Variants in CERS6 observed in about 807,000 individuals in gnomAD.
The protein encoded by CERS6 is LAG1 homolog, ceramide synthase 6.
Under a neutral mutation model 56.8 loss-of-function variants are expected in CERS6, and 26 were observed. That is an observed-to-expected ratio of 0.46 (90% CI 0.34 to 0.63). CERS6 has a LOEUF of 0.63. Ranked by LOEUF, CERS6 falls within the 30% of genes least tolerant of loss-of-function variation. The pLI is 0.01. For synonymous variants in CERS6, 164 were observed against 173.3 expected (o/e 0.95, Z 0.42); for missense variants, 415 against 467.5 (o/e 0.89, Z 1.04).
At chr2:168,657,525 G>A (rs893608663) in intron 4 of CERS6, among the ~76,000 whole-genome samples, 3 of 152,248 alleles carry the variant, frequency 2.0e-5, no homozygotes, top group African/African-American at 7.2e-5. Context: ...CCACACAGGA[G>A]CCCATGGAGT....
chr2:168,463,621 C>G (rs1179146764), intron 1 of CERS6, among the ~76,000 whole-genome samples: 1 of 152,124 alleles, frequency 6.6e-6, no homozygotes, highest in East Asian at 1.9e-4. Flanking sequence ...TGGAAAAAAT[C>G]TGGAGGCTGA....
At chr2:168,632,818 T>G (rs1479930826) in intron 4 of CERS6, among the ~76,000 whole-genome samples, 1 of 152,142 alleles carries the variant, frequency 6.6e-6, no homozygotes, top group Non-Finnish European at 1.5e-5. Flanking sequence ...AATTCGTGCC[T>G]GGTTCTGTTG....
chr2:168,458,463 A>AGTT (rs1437279416), intron 1 of CERS6, among the ~76,000 whole-genome samples: 2 of 152,226 alleles, frequency 1.3e-5, no homozygotes, highest in Non-Finnish European at 2.9e-5. Context: ...CTAATGTGAT[A>AGTT]GTTGAAAACT....
chr2:168,746,817 A>ATG (rs1197661928), intron 8 of CERS6, among the ~76,000 whole-genome samples: 3 of 107,112 alleles, frequency 2.8e-5, no homozygotes, highest in East Asian at 5.4e-4. Flanking sequence ...ATATATATAT[A>ATG]TATAAAATCA....
In CERS6 at chr2:168,594,540, A is replaced by G. The variant is rs928812623; in HGVS notation, c.407+33218A>G. On this transcript the variant is annotated intron_variant, in intron 3 of 9. Transcript: ENST00000305747. Reference sequence around the variant, plus strand: ...GTTGAGGTTGTGGTGAGCTGTGATCATGCCACTGCACTCCAGCCTCAATGA... The same window carrying G: ...GTTGAGGTTGTGGTGAGCTGTGATCGTGCCACTGCACTCCAGCCTCAATGA... Among the ~76,000 whole-genome samples the G allele has an allele frequency of 2.6e-5, 4 of 152,256 alleles. No homozygotes were observed. In the South Asian group the frequency reaches 8.3e-4, roughly 32 times the overall value.
At chr2:168,464,458 G>A (rs1312632531) in intron 1 of CERS6, among the ~76,000 whole-genome samples, 1 of 152,078 alleles carries the variant, frequency 6.6e-6, no homozygotes, top group Non-Finnish European at 1.5e-5. Flanking sequence ...ACCGCACCTG[G>A]CCTTATACTC....
chr2:168,513,992 C>G (rs1694842839), intron 1 of CERS6, among the ~76,000 whole-genome samples: 1 of 152,136 alleles, frequency 6.6e-6, no homozygotes, highest in African/African-American at 2.4e-5. Context: ...GAAAAAAACC[C>G]TGTGCTTGAC....
At chr2:168,713,232 A>G (rs1184086679) in intron 6 of CERS6, among the ~76,000 whole-genome samples, 2 of 152,210 alleles carry the variant, frequency 1.3e-5, no homozygotes, top group Non-Finnish European at 2.9e-5. Flanking sequence ...GATTTAACCT[A>G]CATGTTGTGC....
At chr2:168,703,345 T>A (rs959282424) in intron 6 of CERS6, among the ~76,000 whole-genome samples, 4 of 152,024 alleles carry the variant, frequency 2.6e-5, no homozygotes, top group African/African-American at 9.7e-5. Context: ...TCACTTGAGG[T>A]CAGGAGTTCG....
At chr2:168,587,943 A>G (rs1377720543) in intron 3 of CERS6, among the ~76,000 whole-genome samples, 1 of 152,070 alleles carries the variant, frequency 6.6e-6, no homozygotes, top group Non-Finnish European at 1.5e-5. Context: ...ATTATATTTT[A>G]CAGACAGTGT....
At chr2:168,706,824 C>G (rs1660230081) in intron 6 of CERS6, among the ~76,000 whole-genome samples, 1 of 152,140 alleles carries the variant, frequency 6.6e-6, no homozygotes, top group Admixed American at 6.5e-5. Flanking sequence ...TGATGTGACT[C>G]TAAGGCAGGG....
Position 168,607,219 on chromosome 2 carries a change from A to G in CERS6, c.408-23766A>G, listed in dbSNP as rs190816195. Reference sequence around the variant, plus strand: ...TTTCTTCTTGGTGCACAAATCCTAAAATGTTTACTAACTGGCCTTCTAGAA... The same window carrying G: ...TTTCTTCTTGGTGCACAAATCCTAAGATGTTTACTAACTGGCCTTCTAGAA... On this transcript the variant is annotated intron_variant, in intron 3 of 9. Transcript: ENST00000305747. Among the ~76,000 whole-genome samples the G allele has an allele frequency of 2.4e-3, 363 of 152,238 alleles. 4 individuals are homozygous for G. The highest frequency in any genetic ancestry group is 0.024 in the Middle Eastern group (7 of 294).
At position 168,715,131 on chromosome 2, in the gene CERS6, TAA is replaced by T; in HGVS notation, c.738+5_738+6del. On this transcript the variant is annotated splice_donor_region_variant and intron_variant, in intron 7 of 9. Coordinates refer to ENST00000305747, the MANE Select transcript of CERS6 (RefSeq NM_203463.3). ...GATTCAGCTGATGCTCTTCTGGAGGTAAAAGTTTTCTTTCATCTTTAAGAATA... is the reference window on the plus strand; with the variant it reads ...GATTCAGCTGATGCTCTTCTGGAGGTAAGTTTTCTTTCATCTTTAAGAATA... The T allele has an allele frequency of 6.2e-7, 1 of 1,603,796 alleles. No homozygotes were observed. The highest frequency in any genetic ancestry group is 8.5e-7 in the Non-Finnish European group (1 of 1,176,798).
At chr2:168,571,121 A>C (rs1486172155) in intron 3 of CERS6, among the ~76,000 whole-genome samples, 1 of 152,110 alleles carries the variant, frequency 6.6e-6, no homozygotes, top group Non-Finnish European at 1.5e-5. Context: ...ATTGTTGAAA[A>C]GGAAGCACTC....
intron 1 of CERS6, among the ~76,000 whole-genome samples, chr2:168,490,280 C>G (rs1036075823): frequency 6.6e-6 from 1 of 152,102 alleles, no homozygotes; most frequent in Non-Finnish European, 1.5e-5. Flanking sequence ...CGTGATTCCC[C>G]CATCCTCTTT....
intron 8 of CERS6, among the ~76,000 whole-genome samples, chr2:168,724,063 C>G (rs948750369): frequency 8.5e-5 from 13 of 152,228 alleles, no homozygotes; most frequent in East Asian, 5.8e-4. Context: ...AGCCGCGGAC[C>G]CTTGCGGTGA....
At chr2:168,600,887 A>G (rs1267683557) in intron 3 of CERS6, among the ~76,000 whole-genome samples, 2 of 152,192 alleles carry the variant, frequency 1.3e-5, no homozygotes, top group Admixed American at 1.3e-4. Flanking sequence ...CTACTTTTCT[A>G]TGGTATTGAG....
At chr2:168,690,895 C>CT (rs1686482366) in intron 4 of CERS6, 139 bp from the exon 5 acceptor site, 1 of 692,558 alleles carries the variant, frequency 1.4e-6, no homozygotes, top group African/African-American at 1.8e-5. Context: ...CTATGCCTAG[C>CT]TGTTTTAAAG....
intron 8 of CERS6, among the ~76,000 whole-genome samples, chr2:168,748,693 G>A (rs1490002508): frequency 1.3e-5 from 2 of 152,166 alleles, no homozygotes; most frequent in Non-Finnish European, 2.9e-5. Flanking sequence ...TTCCAGCCTG[G>A]CAGTTACAGG....
Sources: allele counts gnomAD v4.1 joint callset (sites outside exome capture counted in the v4.1 genomes callset), GRCh38; gene constraint gnomAD v4.1.1; transcripts MANE v1.5; gene names NCBI Gene and HGNC (gene_info 2026-07-23, HGNC 2026-07-21).